The following ATG9B variants were observed in gnomAD, a reference collection of about 807,000 sequenced individuals.
ATG9B encodes the protein autophagy related 9B, also known as autophagy-related protein 9B.
ATG9B carries 92 observed loss-of-function variants against 92.9 expected under a neutral mutation model. The ratio of observed to expected loss-of-function variants is 0.99; its 90% CI spans 0.84 to 1.18. The LOEUF (loss-of-function observed/expected upper bound fraction) is 1.18, where lower values mean the gene tolerates loss of function less well. ATG9B is among the 50% of genes most tolerant of loss of function. The pLI, the probability that ATG9B is intolerant of heterozygous loss-of-function variation, is 0.00. For missense variants in ATG9B, 1,344 were observed against 1,235.0 expected (o/e 1.09, Z -1.32); for synonymous variants, 599 against 551.4 (o/e 1.09, Z -1.21).
In ATG9B at chr7:151,018,770, A is replaced by G; in HGVS notation, c.1568T>C (p.Leu523Pro). The G allele has an allele frequency of 6.7e-7, 1 of 1,484,068 alleles. No individual in the cohort carries two copies. The highest frequency in any genetic ancestry group is 2.8e-5 in the East Asian group (1 of 35,158). 91.9% of individuals were successfully genotyped at this position (1,484,068 alleles called of 1,614,324 possible). A position where few individuals can be genotyped will look rare whatever the true frequency, so the allele number is the denominator to read the frequency against. ...FLRTAAPPAP[L>P]RTLLARQLVF... The stretch of plus-strand genomic sequence containing the variant: ...GAGCTGGCGGGCCAGCAGCGTGCGC[A>G]GGGGCGCGGGGGGCGCAGCGGTGCG... Residue 523 changes from leucine to proline, a missense_variant, in exon 6 of 14, where the codon CTG becomes CCG. Physicochemically the swap from Leu to Pro is moderately conservative, Grantham distance 98. Coordinates refer to ENST00000639579, the MANE Select transcript of ATG9B (RefSeq NM_001317056.2). This position sits in a 1 kb window ranked among gnomAD's most constrained non-coding sequence, Gnocchi z 4.7.
At position 151,021,452 on chromosome 7, in the gene ATG9B, A is replaced by G. The variant is rs1456680100; in HGVS notation, c.822-123T>C. On this transcript the variant is annotated intron_variant, in intron 4 of 13. Transcript: ENST00000639579. ...GGATCTAGCTAGACCAGCAGCTCTC[A>G]AGGTAGAGCCCGGGGCAGGGGGTGG... The G allele has an allele frequency of 2.0e-5, 27 of 1,362,474 alleles. No homozygotes were observed. In the Middle Eastern group the frequency reaches 7.9e-4, roughly 40 times the overall value. 84.4% of individuals were successfully genotyped at this position (1,362,474 alleles called of 1,614,324 possible). A position where few individuals can be genotyped will look rare whatever the true frequency, so the allele number is the denominator to read the frequency against.
Position 151,016,517 on chromosome 7 carries a change from G to C in ATG9B, c.2434C>G (p.Pro812Ala), listed in dbSNP as rs559087886. 2.5e-5 allele frequency: 39 copies of C among 1,550,868 alleles called. No homozygotes were observed. The East Asian group carries it at 9.5e-4, about 38-fold the overall frequency. Residue 812 changes from proline (P) to alanine (A), a missense_variant, in exon 11 of 14, where the codon CCA (proline) becomes GCA (alanine). Pro to Ala is a conservative substitution (Grantham distance 27). Coordinates refer to ENST00000639579, the MANE Select transcript of ATG9B (RefSeq NM_001317056.2). Reference sequence around the variant, plus strand: ...AGCTTCTGGCCCCCAGTGCCTCCTGGGGACACAGAGCTGGAACATAACATG... The same window carrying C: ...AGCTTCTGGCCCCCAGTGCCTCCTGCGGACACAGAGCTGGAACATAACATG... Reference protein sequence around the residue: ...RIAQDPSSVSPGGTGGQKLAQ... With the variant: ...RIAQDPSSVSAGGTGGQKLAQ...
downstream of ATG9B, chr7:151,013,761 C>T: frequency 1.2e-6 from 2 of 1,611,116 alleles, no homozygotes; most frequent in Admixed American, 1.7e-5. Flanking sequence ...GAGCTGGCTG[C>T]GGAGGTGCAC....
downstream of ATG9B, chr7:151,014,618 T>G (rs1026012742): frequency 1.3e-5 from 2 of 155,490 alleles, no homozygotes; most frequent in African/African-American, 2.4e-5. Flanking sequence ...TTTTTGTTTT[T>G]TTTTTTTTGA....
intron 11 of ATG9B, 61 bp from the exon 12 acceptor site, chr7:151,016,296 G>T: frequency 1.4e-6 from 2 of 1,476,874 alleles, no homozygotes; most frequent in Non-Finnish European, 9.0e-7. Flanking sequence ...CAAGCACCTG[G>T]GCTAGAGGCA....
Position 151,018,594 on chromosome 7 carries a change from A to G in ATG9B, c.1718+26T>C. The G allele has an allele frequency of 1.3e-6, 2 of 1,586,712 alleles. No individual in the cohort carries two copies. Among genetic ancestry groups the G allele is most frequent in the East Asian group, 2.3e-5 (1 of 42,892 alleles). On this transcript the variant is annotated intron_variant, in intron 6 of 13. Coordinates refer to ENST00000639579, the MANE Select transcript of ATG9B (RefSeq NM_001317056.2). This position sits in a 1 kb window ranked among gnomAD's most constrained non-coding sequence, Gnocchi z 4.7. ...CAGATCAGAGAAACCAACACACACC[A>G]CCACCCCGGGCATCTGCCGTCGCAC... is the stretch of plus-strand genomic sequence containing the variant.
chr7:151,018,287 C>T lies in ATG9B; in HGVS notation c.1872+7G>A, dbSNP rs1337187601. On this transcript the variant is annotated splice_region_variant and intron_variant, in intron 7 of 13. Transcript: ENST00000639579. The surrounding 1 kb of genome is among the most constrained non-coding windows in gnomAD (Gnocchi z 4.7). ...CCTCCTCAGCCCGCCGTCGCGCCCA[C>T]CCTCACCGCTCGGTACTGCAGCAGC... is the stretch of plus-strand genomic sequence containing the variant. The T allele has an allele frequency of 1.3e-6, 2 of 1,534,288 alleles. No homozygotes were observed. The highest frequency in any genetic ancestry group is 2.1e-5 in the Admixed American group (1 of 47,800).
In ATG9B at chr7:151,017,957, A is replaced by G. The variant is rs777401706; in HGVS notation, c.1966T>C (p.Phe656Leu). ...RPRALEIIDF[F>L]HHFTVDVAGV... is the part of the protein sequence containing the mutation. ...GCCACATCCACAGTGAAGTGATGAA[A>G]AAAGTCGATAATCTCCAGGGCACGA... The change falls in exon 8 of 14, where the codon TTT (phenylalanine) becomes CTT (leucine). Residue 656 changes from phenylalanine (F) to leucine (L), a missense_variant. Phe to Leu is a conservative substitution (Grantham distance 22). Coordinates refer to ENST00000639579, the MANE Select transcript of ATG9B (RefSeq NM_001317056.2). 2.5e-6 allele frequency: 4 copies of G among 1,608,802 alleles called. No homozygotes were observed. The Admixed American group carries it at 5.1e-5, about 20-fold the overall frequency.
At chr7:151,021,795 G>T (rs925282692) in intron 4 of ATG9B, among the ~76,000 whole-genome samples, 4 of 151,520 alleles carry the variant, frequency 2.6e-5, no homozygotes, top group African/African-American at 9.7e-5. Context: ...GACTACAGGC[G>T]CCCGCCACCA....
chr7:151,019,499 T>TGA (rs1795670892), intron 5 of ATG9B, 125 bp from the exon 6 acceptor site: 2 of 1,301,010 alleles, frequency 1.5e-6, no homozygotes, highest in South Asian at 1.6e-5. Flanking sequence ...AAACTCGCCA[T>TGA]GACCAAGCTA....
chr7:151,013,599 C>T (rs1190420752), downstream of ATG9B: 13 of 1,062,344 alleles, frequency 1.2e-5, no homozygotes, highest in Non-Finnish European at 1.6e-5. Flanking sequence ...TGACACCGCC[C>T]CAGGGCACGC....
intron 4 of ATG9B, among the ~76,000 whole-genome samples, chr7:151,021,674 G>C (rs1387420440): frequency 6.7e-6 from 1 of 149,634 alleles, no homozygotes; most frequent in South Asian, 2.1e-4. Context: ...TTTTGAGATG[G>C]AGTCTTGCTG....
At chr7:151,021,812 G>A (rs1795762492) in intron 4 of ATG9B, among the ~76,000 whole-genome samples, 1 of 148,266 alleles carries the variant, frequency 6.7e-6, no homozygotes, top group South Asian at 2.1e-4. Flanking sequence ...ACCACACCTG[G>A]CTAATTTTTG....
chr7:151,017,047 T>C lies in ATG9B; in HGVS notation c.2278A>G (p.Thr760Ala). 6.3e-7 allele frequency: 1 copy of C among 1,590,424 alleles called. No individual in the cohort carries two copies. The highest frequency in any genetic ancestry group is 8.6e-7 in the Non-Finnish European group (1 of 1,169,226). Residue 760 changes from threonine (T) to alanine (A), a missense_variant, in exon 9 of 14, where the codon ACC becomes GCC. Coordinates refer to ENST00000639579, the MANE Select transcript of ATG9B (RefSeq NM_001317056.2). ...PSTPGVLSNC[T>A]SPLPEAFLAN... ...GGCTTGGGACTCACCAGGGGCGAGG[T>C]GCAGTTGCTGAGCACCCCCGGGGTG...
intron 8 of ATG9B, 47 bp downstream of exon 8, chr7:151,017,824 G>C: frequency 1.3e-6 from 2 of 1,514,112 alleles, no homozygotes; most frequent in Non-Finnish European, 1.8e-6. Flanking sequence ...AGAGGCAAGC[G>C]AACTCCCACC....
intron 11 of ATG9B, 81 bp downstream of exon 11, chr7:151,016,350 G>A (rs757595118): frequency 4.3e-5 from 65 of 1,514,730 alleles, no homozygotes; most frequent in African/African-American, 5.5e-5. Context: ...AGACCCTTCC[G>A]TAGACTCCAC....
chr7:151,017,816 A>G (rs1795563510), intron 8 of ATG9B, 55 bp downstream of exon 8: 5 of 1,497,936 alleles, frequency 3.3e-6, no homozygotes, highest in Non-Finnish European at 4.5e-6. Flanking sequence ...TGCTCCCGAG[A>G]GGCAAGCGAA....
Position 151,024,289 on chromosome 7 carries a change from T to G in ATG9B, c.135A>C (p.Gly45=). Residue 45 remains glycine (G), a synonymous_variant, in exon 1 of 14, where the codon GGA becomes GGC. Transcript: ENST00000639579. ...PPPPSCRGPG[G]GRISIFSLSP... ...ACAGAGAGAAGATGGAGATCCTCCC[T>G]CCCCCAGGTCCCCGGCATGAAGGAG... 7.1e-7 allele frequency: 1 copy of G among 1,411,706 alleles called. No homozygotes were observed. The highest frequency in any genetic ancestry group is 9.3e-7 in the Non-Finnish European group (1 of 1,077,400). The allele number at this position is 1,411,706 out of a possible 1,614,324, so 87.4% of individuals were successfully genotyped here.
Position 151,019,281 on chromosome 7 carries a change from T to G in ATG9B, c.1057A>C (p.Thr353Pro), listed in dbSNP as rs1248265721. 1 of 1,586,020 alleles carries G rather than the reference T, an allele frequency of 6.3e-7. No homozygotes were observed. Among genetic ancestry groups the G allele is most frequent in the Non-Finnish European group, 8.5e-7 (1 of 1,173,632 alleles). Residue 353 changes from threonine to proline, a missense_variant, in exon 6 of 14, where the codon ACG (threonine) becomes CCG (proline). Thr to Pro is a conservative substitution (Grantham distance 38). Coordinates refer to ENST00000639579, the MANE Select transcript of ATG9B (RefSeq NM_001317056.2). ...ATGCGGTGGTGGATGTCCAGCTCCG[T>G]CAGGGGCCGCGGCTGCACGCACAGG... ...GGLCVQPRPL[T>P]ELDIHHRILR...
Sources: allele counts gnomAD v4.1 joint callset (sites outside exome capture counted in the v4.1 genomes callset), GRCh38; gene constraint gnomAD v4.1.1; non-coding constraint Gnocchi (gnomAD v3.1); transcripts MANE v1.5; gene names NCBI Gene and HGNC (gene_info 2026-07-23, HGNC 2026-07-21).